Variants in LYRM4 observed in about 807,000 individuals in gnomAD.
LYRM4 encodes LYR motif-containing protein 4.
In LYRM4, 9 loss-of-function variants were observed where a neutral mutation model predicts 11.7. That is an observed-to-expected ratio of 0.77 (90% CI 0.46 to 1.34). LYRM4 has a LOEUF of 1.34. Among genes scored for constraint, LYRM4 ranks in the 40% most tolerant of loss-of-function variants. The pLI is 0.00. For missense variants in LYRM4, 133 were observed against 112.5 expected (o/e 1.18, Z -0.82); for synonymous variants, 42 against 40.4 (o/e 1.04, Z -0.15).
At chr6:5,101,718 A>G (rs760050769), downstream of LYRM4, among the ~76,000 whole-genome samples, 4 of 152,144 alleles carry the variant, frequency 2.6e-5, no homozygotes, top group Non-Finnish European at 5.9e-5. Flanking sequence ...AGTCCCTCGT[A>G]CATGAAGACA....
intron 1 of LYRM4, among the ~76,000 whole-genome samples, chr6:5,241,122 T>A (rs1168925464): frequency 1.3e-5 from 2 of 152,164 alleles, no homozygotes; most frequent in African/African-American, 4.8e-5. Context: ...AGAGTTTTTA[T>A]GACAGTTAAA....
At chr6:5,230,436 C>CTGG (rs2127741658) in intron 1 of LYRM4, among the ~76,000 whole-genome samples, 1 of 152,280 alleles carries the variant, frequency 6.6e-6, no homozygotes, top group South Asian at 2.1e-4. Context: ...TTTCCCCCCA[C>CTGG]CTATCAGAAT....
At chr6:5,218,680 C>A (rs564626319) in intron 1 of LYRM4, among the ~76,000 whole-genome samples, 166 of 152,246 alleles carry the variant, frequency 1.1e-3, no homozygotes, top group Non-Finnish European at 1.3e-3. Flanking sequence ...AGGGCTACAG[C>A]GATTGGGCAT....
chr6:5,245,729 A>C (rs1375475755), intron 1 of LYRM4, among the ~76,000 whole-genome samples: 2 of 152,214 alleles, frequency 1.3e-5, no homozygotes, highest in Non-Finnish European at 2.9e-5. Flanking sequence ...TACAATTACA[A>C]GTGGTGCAAG....
At chr6:5,062,106 A>C in the LYRM4 span, among the ~76,000 whole-genome samples, 1 of 98,946 alleles carries the variant, frequency 1.0e-5, no homozygotes, top group Non-Finnish European at 1.9e-5. Context: ...TTTTTTTGAG[A>C]TAGGGTCTCG....
At chr6:5,043,994 G>A in the LYRM4 span, among the ~76,000 whole-genome samples, 773 of 152,282 alleles carry the variant, frequency 5.1e-3, 8 homozygotes, top group African/African-American at 0.018. Context: ...CTGCTTCCCT[G>A]TGCGGCCCTG....
chr6:5,072,743 A>T, the LYRM4 span, among the ~76,000 whole-genome samples: 4 of 152,094 alleles, frequency 2.6e-5, no homozygotes, highest in African/African-American at 9.7e-5. Flanking sequence ...AGGTAAGACC[A>T]GGTTTTTGTT....
At chr6:5,074,046 T>C in the LYRM4 span, among the ~76,000 whole-genome samples, 1 of 152,274 alleles carries the variant, frequency 6.6e-6, no homozygotes, top group East Asian at 1.9e-4. Flanking sequence ...GTTACCTCTA[T>C]GTACACCACT....
chr6:5,233,966 C>A (rs1159908210), intron 1 of LYRM4, among the ~76,000 whole-genome samples: 1 of 152,244 alleles, frequency 6.6e-6, no homozygotes, highest in South Asian at 2.1e-4. Flanking sequence ...AAAATTCTGT[C>A]ACAATGCAGT....
intron 2 of LYRM4, among the ~76,000 whole-genome samples, chr6:5,178,446 CTT>C (rs57538719): frequency 1.4e-3 from 196 of 142,962 alleles, no homozygotes; most frequent in Admixed American, 1.7e-3. Flanking sequence ...ATTCATAACT[CTT>C]TTTTTTTTTT....
chr6:5,138,895 C>A (rs1757257436), intron 2 of LYRM4, among the ~76,000 whole-genome samples: 1 of 152,204 alleles, frequency 6.6e-6, no homozygotes, highest in African/African-American at 2.4e-5. Flanking sequence ...ACATTTTGCT[C>A]TTCACAATCA....
intron 2 of LYRM4, among the ~76,000 whole-genome samples, chr6:5,180,564 T>C (rs1382551170): frequency 6.6e-6 from 1 of 152,180 alleles, no homozygotes; most frequent in Non-Finnish European, 1.5e-5. Context: ...TTGACTCAGT[T>C]TCCTGTCTTC....
chr6:5,218,361 C>T lies in LYRM4; in HGVS notation c.87-1623G>A, dbSNP rs374463323. The T allele has an allele frequency of 2.8e-5, 28 of 985,072 alleles. No individual in the cohort carries two copies. The African/African-American group carries it at 3.5e-4, about 12-fold the overall frequency. 61.0% of individuals were successfully genotyped at this position (985,072 alleles called of 1,614,324 possible). ...GGGATATAAATTTCCTTGGGAGCAG[C>T]GCGGAGGGGGTGTTGGGAGCTCATA... is the stretch of plus-strand genomic sequence containing the variant. On this transcript the variant is annotated intron_variant, in intron 1 of 2. Transcript: ENST00000330636.
chr6:5,260,684 A>G lies in LYRM4; in HGVS notation c.50T>C (p.Leu17Pro). The change falls in exon 1 of 3, where the codon CTG (leucine) becomes CCG (proline). Residue 17 changes from leucine to proline, a missense_variant. By Grantham distance (98) the Leu-to-Pro change is moderately conservative. Transcript: ENST00000330636. ...AQVLSLYRAM[L>P]RESKRFSAYN... The stretch of plus-strand genomic sequence containing the variant: ...GGCGCTGAAACGCTTGCTCTCTCTC[A>G]GCATCGCCCGGTACAGAGATAACAC... 6.5e-7 allele frequency: 1 copy of G among 1,548,324 alleles called. No individual in the cohort carries two copies.
chr6:5,035,926 TTTAA>T, the LYRM4 span, among the ~76,000 whole-genome samples: 1 of 150,012 alleles, frequency 6.7e-6, no homozygotes, highest in Admixed American at 6.7e-5. Context: ...ATCATGCCTA[TTTAA>T]TTGATTTGAT....
the LYRM4 span, chr6:5,086,765 C>A: frequency 3.4e-6 from 2 of 586,654 alleles, no homozygotes; most frequent in Non-Finnish European, 6.0e-6. Flanking sequence ...CCGGGCAATG[C>A]TCCGAAAGCC....
At chr6:5,050,214 G>A in the LYRM4 span, among the ~76,000 whole-genome samples, 3 of 152,222 alleles carry the variant, frequency 2.0e-5, no homozygotes, top group African/African-American at 4.8e-5. Context: ...GTAAATTGTG[G>A]TTGATTTTGG....
intron 2 of LYRM4, among the ~76,000 whole-genome samples, chr6:5,135,474 A>G (rs1168558418): frequency 2.8e-5 from 2 of 72,576 alleles, no homozygotes; most frequent in Non-Finnish European, 5.2e-5. Flanking sequence ...GAGGGTGCGG[A>G]TCGCTCCTGG....
At chr6:5,136,984 G>A (rs1404972482) in intron 2 of LYRM4, 8 of 332,754 alleles carry the variant, frequency 2.4e-5, no homozygotes, top group East Asian at 1.7e-4. Flanking sequence ...CTCATTAGTC[G>A]CCTTTCAAAT....
Sources: gnomAD v4.1 joint callset for allele counts (sites outside exome capture counted in the v4.1 genomes callset) on GRCh38, gnomAD v4.1.1 for gene constraint, MANE v1.5 for transcripts, NCBI Gene and HGNC (gene_info 2026-07-23, HGNC 2026-07-21) for gene names.